The following SLC25A26 variants were observed in gnomAD, a reference collection of about 807,000 sequenced individuals.
SLC25A26 encodes solute carrier family 25 member 26.
In SLC25A26, 36 loss-of-function variants were observed where a neutral mutation model predicts 37.8. The ratio of observed to expected loss-of-function variants is 0.95; its 90% CI spans 0.73 to 1.26. The LOEUF is 1.26. Among genes scored for constraint, SLC25A26 ranks in the 50% most tolerant of loss-of-function variants. The probability of loss-of-function intolerance (pLI) is 0.00; values close to 1 mark genes in which losing one functional copy is unlikely to be tolerated. For synonymous variants in SLC25A26, 129 were observed against 122.5 expected (o/e 1.05, Z -0.35); for missense variants, 390 against 331.1 (o/e 1.18, Z -1.38).
At chr3:66,267,696 T>G (rs552327256) in intron 5 of SLC25A26, among the ~76,000 whole-genome samples, 17 of 152,346 alleles carry the variant, frequency 1.1e-4, no homozygotes, top group African/African-American at 3.8e-4. Flanking sequence ...CTCCCCACCC[T>G]AGTTTTGCTG....
chr3:66,159,891 A>C (rs562611868), intron 1 of SLC25A26, among the ~76,000 whole-genome samples: 1 of 152,346 alleles, frequency 6.6e-6, no homozygotes, highest in South Asian at 2.1e-4. Flanking sequence ...CTGTAACTAC[A>C]TGAGGAAACT....
At chr3:66,187,029 T>C (rs894444118) in intron 1 of SLC25A26, among the ~76,000 whole-genome samples, 6,036 of 152,028 alleles carry the variant, frequency 0.04, 146 homozygotes, top group African/African-American at 0.056. Context: ...CTGACCATGA[T>C]ATGGATACTA....
Position 66,243,295 on chromosome 3 carries a change from G to C in SLC25A26, c.283G>C (p.Ala95Pro). ...YLTPMKHMLAASAGEVVACLI... is the reference protein window; with the variant it reads ...YLTPMKHMLAPSAGEVVACLI... The stretch of plus-strand genomic sequence containing the variant: ...GACACCTATGAAACATATGTTGGCT[G>C]CCTCTGCTGGAGAAGTGGTAAGTAA... The change falls in exon 3 of 10, where the codon GCC (alanine) becomes CCC (proline). Residue 95 changes from alanine (A) to proline (P), a missense_variant. Physicochemically the swap from Ala to Pro is conservative, Grantham distance 27. Transcript: ENST00000354883. The C allele has an allele frequency of 6.3e-7, 1 of 1,598,716 alleles. No homozygotes were observed. Among genetic ancestry groups the C allele is most frequent in the African/African-American group, 1.3e-5 (1 of 74,804 alleles).
At chr3:66,190,608 T>C (rs2070922526) in intron 1 of SLC25A26, among the ~76,000 whole-genome samples, 1 of 151,954 alleles carries the variant, frequency 6.6e-6, no homozygotes, top group Admixed American at 6.6e-5. Context: ...TTTGTATTTT[T>C]AGTAGAGATG....
At chr3:66,230,468 A>C (rs1410483117) in intron 1 of SLC25A26, among the ~76,000 whole-genome samples, 1 of 151,878 alleles carries the variant, frequency 6.6e-6, no homozygotes, top group African/African-American at 2.4e-5. Flanking sequence ...GGTGGAGGCG[A>C]TGGTGGTTTG....
At chr3:66,173,833 A>C (rs537636235) in intron 1 of SLC25A26, among the ~76,000 whole-genome samples, 1 of 152,134 alleles carries the variant, frequency 6.6e-6, no homozygotes, top group East Asian at 1.9e-4. Context: ...TGGGTGGATC[A>C]CAAGGTCAGG....
chr3:66,189,558 C>T (rs1307166504), intron 1 of SLC25A26, among the ~76,000 whole-genome samples: 7 of 152,210 alleles, frequency 4.6e-5, no homozygotes, highest in African/African-American at 1.7e-4. Context: ...AAATCTTATA[C>T]ACTCACACTC....
At chr3:66,152,958 G>A (rs2070227688) in intron 1 of SLC25A26, among the ~76,000 whole-genome samples, 1 of 152,156 alleles carries the variant, frequency 6.6e-6, no homozygotes, top group Non-Finnish European at 1.5e-5. Context: ...GTCTAGATTT[G>A]TAAAATAAGT....
At chr3:66,250,550 C>T (rs1015634895) in intron 3 of SLC25A26, among the ~76,000 whole-genome samples, 4 of 152,164 alleles carry the variant, frequency 2.6e-5, no homozygotes, top group African/African-American at 7.2e-5. Flanking sequence ...GTGCATGTCC[C>T]AGTCAGCTGT....
intron 6 of SLC25A26, among the ~76,000 whole-genome samples, chr3:66,357,862 A>G (rs931512987): frequency 2.6e-5 from 4 of 152,180 alleles, no homozygotes; most frequent in African/African-American, 9.7e-5. Flanking sequence ...TGCAGGACGA[A>G]CCAGCCTCAG....
chr3:66,243,669 C>A (rs2072692953), intron 3 of SLC25A26, among the ~76,000 whole-genome samples: 1 of 152,298 alleles, frequency 6.6e-6, no homozygotes, highest in Non-Finnish European at 1.5e-5. Flanking sequence ...AATTTCCTTT[C>A]CGAAATAGTT....
upstream of SLC25A26, chr3:66,220,605 A>G (rs1553657869): frequency 6.4e-6 from 1 of 157,272 alleles, no homozygotes; most frequent in Non-Finnish European, 1.4e-5. Flanking sequence ...ATAAACTCAG[A>G]TAAAATTTTT....
intron 6 of SLC25A26, among the ~76,000 whole-genome samples, chr3:66,351,188 G>A (rs922859152): frequency 2.0e-5 from 3 of 152,198 alleles, no homozygotes; most frequent in Non-Finnish European, 2.9e-5. Context: ...CACCCAACTC[G>A]TTGATAACTT....
At chr3:66,150,903 G>C (rs910451289) in intron 1 of SLC25A26, among the ~76,000 whole-genome samples, 1 of 151,782 alleles carries the variant, frequency 6.6e-6, no homozygotes, top group Non-Finnish European at 1.5e-5. Flanking sequence ...TGCTCCTACT[G>C]TCTTTCCTTT....
intron 5 of SLC25A26, among the ~76,000 whole-genome samples, chr3:66,281,488 A>G (rs2074335672): frequency 6.6e-6 from 1 of 152,196 alleles, no homozygotes. Flanking sequence ...TGAATTTGTT[A>G]GCTGGCATTC....
chr3:66,364,239 T>C (rs941065440), intron 7 of SLC25A26, among the ~76,000 whole-genome samples: 2 of 151,818 alleles, frequency 1.3e-5, no homozygotes, highest in Admixed American at 6.5e-5. Context: ...TTTGCATTAA[T>C]TACAGTTTCC....
intron 5 of SLC25A26, among the ~76,000 whole-genome samples, chr3:66,304,838 T>G (rs1176966957): frequency 6.6e-6 from 1 of 152,184 alleles, no homozygotes; most frequent in Non-Finnish European, 1.5e-5. Flanking sequence ...ATTGATACAT[T>G]AGTATTAAGA....
chr3:66,150,508 A>AATATATATATATAATGATATATAT (rs2070183528), intron 1 of SLC25A26, among the ~76,000 whole-genome samples: 1 of 120,272 alleles, frequency 8.3e-6, no homozygotes. Flanking sequence ...AAGACAAAAA[A>AATATATATATATAATGATATATAT]ATATATATAT....
chr3:66,247,156 G>A (rs1017640390), intron 3 of SLC25A26, among the ~76,000 whole-genome samples: 12 of 152,050 alleles, frequency 7.9e-5, no homozygotes, highest in East Asian at 3.9e-4. Flanking sequence ...CAGCCACCGC[G>A]CCAGGCCCCT....
Sources: gnomAD v4.1 joint callset for allele counts (sites outside exome capture counted in the v4.1 genomes callset) on GRCh38, gnomAD v4.1.1 for gene constraint, MANE v1.5 for transcripts, NCBI Gene and HGNC (gene_info 2026-07-23, HGNC 2026-07-21) for gene names.